CTNNA3: variants seen among roughly 807,000 people sequenced by gnomAD.
CTNNA3 encodes the protein catenin alpha 3.
In CTNNA3, 76 loss-of-function variants were observed where a neutral mutation model predicts 95.7. The observed-to-expected ratio is 0.79, with a 90% CI of 0.66 to 0.96. CTNNA3 has a LOEUF of 0.96. CTNNA3 is among the 40% of genes least tolerant of loss of function. The probability of loss-of-function intolerance (pLI) is 0.00; values close to 1 mark genes in which losing one functional copy is unlikely to be tolerated. For synonymous variants in CTNNA3, 431 were observed against 374.4 expected (o/e 1.15, Z -1.74); for missense variants, 1,191 against 1,089.8 (o/e 1.09, Z -1.31).
At chr10:66,514,608 C>A (rs1471463368) in intron 11 of CTNNA3, among the ~76,000 whole-genome samples, 1 of 152,078 alleles carries the variant, frequency 6.6e-6, no homozygotes, top group Non-Finnish European at 1.5e-5. Flanking sequence ...TCTCCACCAC[C>A]ACAGTTCTTT....
At chr10:66,444,414 C>A (rs1410120535) in intron 11 of CTNNA3, among the ~76,000 whole-genome samples, 1 of 152,100 alleles carries the variant, frequency 6.6e-6, no homozygotes, top group African/African-American at 2.4e-5. Context: ...ATGGTAAGGG[C>A]AGCCAGAGAG....
chr10:66,187,644 C>CT (rs993323667), intron 13 of CTNNA3, among the ~76,000 whole-genome samples: 20 of 151,930 alleles, frequency 1.3e-4, no homozygotes, highest in African/African-American at 4.8e-4. Context: ...AAGAAAATCT[C>CT]TATCAATTTT....
At chr10:67,079,364 C>T (rs552778999) in intron 7 of CTNNA3, among the ~76,000 whole-genome samples, 3 of 152,252 alleles carry the variant, frequency 2.0e-5, no homozygotes, top group South Asian at 2.1e-4. Flanking sequence ...AGGAACACAG[C>T]GATAGGGCAG....
intron 10 of CTNNA3, among the ~76,000 whole-genome samples, chr10:66,547,684 T>A (rs1842082416): frequency 1.3e-5 from 2 of 152,022 alleles, no homozygotes; most frequent in African/African-American, 4.8e-5. Flanking sequence ...GTGAAGTTCA[T>A]AAATAAATAT....
At chr10:66,297,857 C>T (rs984076450) in intron 12 of CTNNA3, among the ~76,000 whole-genome samples, 2 of 152,098 alleles carry the variant, frequency 1.3e-5, no homozygotes, top group African/African-American at 2.4e-5. Flanking sequence ...TGGGCACTTA[C>T]GTCCAGCTTG....
rs541207077 is a variant in CTNNA3, at chr10:67,084,211, C to A, written c.1047+96106G>T. ...AGCTCAGAGATTTAAGCAATCTATC[C>A]TCATATGTATTGTTCCTTGAGTTAT... On this transcript the variant is annotated intron_variant, in intron 7 of 17. Transcript: ENST00000433211. 1.4e-3 allele frequency among the ~76,000 whole-genome samples: 215 copies of A among 152,106 alleles called. 1 individual carries two copies. The highest frequency in any genetic ancestry group is 5.1e-3 in the African/African-American group (210 of 41,516).
chr10:66,280,376 C>T, intron 13 of CTNNA3, 94 bp downstream of exon 13: 2 of 1,101,046 alleles, frequency 1.8e-6, no homozygotes, highest in Non-Finnish European at 2.6e-6. Flanking sequence ...ATTGACATTA[C>T]AGCATAGAAA....
At chr10:67,263,752 C>G (rs1283969016) in intron 5 of CTNNA3, among the ~76,000 whole-genome samples, 1 of 152,170 alleles carries the variant, frequency 6.6e-6, no homozygotes, top group African/African-American at 2.4e-5. Context: ...GATTTACACA[C>G]ACTTCCACTT....
intron 13 of CTNNA3, among the ~76,000 whole-genome samples, chr10:66,245,595 T>C (rs1270189769): frequency 2.0e-5 from 3 of 152,156 alleles, no homozygotes; most frequent in African/African-American, 7.2e-5. Flanking sequence ...GTAGCTCCTT[T>C]CTGCAGGCAG....
chr10:67,364,673 T>G (rs979571120), intron 5 of CTNNA3, among the ~76,000 whole-genome samples: 3 of 152,158 alleles, frequency 2.0e-5, no homozygotes, highest in Admixed American at 1.3e-4. Context: ...AAAAGTGATG[T>G]GAAGGCCCTC....
In CTNNA3 at chr10:67,151,528, T is replaced by C. The variant is rs77701880; in HGVS notation, c.1047+28789A>G. On this transcript the variant is annotated intron_variant, in intron 7 of 17. Transcript: ENST00000433211. ...AACAAAACAAGCTTCATCTCCCTCA[T>C]ATGACCTCAGAATAATCAGTAATAT... 1.2e-3 allele frequency among the ~76,000 whole-genome samples: 185 copies of C among 152,298 alleles called. 2 individuals are homozygous for C. The highest frequency in any genetic ancestry group is 4.4e-3 in the African/African-American group (182 of 41,576).
intron 13 of CTNNA3, among the ~76,000 whole-genome samples, chr10:66,121,606 T>C (rs567041609): frequency 6.6e-6 from 1 of 152,242 alleles, no homozygotes; most frequent in Non-Finnish European, 1.5e-5. Flanking sequence ...TCTCAGCACT[T>C]TGGGATGCCA....
At chr10:67,557,303 A>G (rs1841294007) in intron 3 of CTNNA3, among the ~76,000 whole-genome samples, 1 of 152,234 alleles carries the variant, frequency 6.6e-6, no homozygotes, top group Non-Finnish European at 1.5e-5. Flanking sequence ...TATATAATAA[A>G]CCATACATAG....
At chr10:67,242,705 G>A (rs1292769337) in intron 5 of CTNNA3, among the ~76,000 whole-genome samples, 1 of 152,092 alleles carries the variant, frequency 6.6e-6, no homozygotes, top group Non-Finnish European at 1.5e-5. Flanking sequence ...GGAAGACCTC[G>A]GAAAGATAGG....
At chr10:66,212,491 G>A (rs182027608) in intron 13 of CTNNA3, among the ~76,000 whole-genome samples, 23 of 151,798 alleles carry the variant, frequency 1.5e-4, no homozygotes, top group African/African-American at 5.6e-4. Context: ...TTATTATTTT[G>A]GCTAATAAAT....
chr10:67,151,923 T>C (rs1861104038), intron 7 of CTNNA3, among the ~76,000 whole-genome samples: 1 of 152,224 alleles, frequency 6.6e-6, no homozygotes, highest in Non-Finnish European at 1.5e-5. Context: ...CCCCTTTCTG[T>C]TGTTCCTTTC....
chr10:67,391,844 C>A (rs1330876962), intron 5 of CTNNA3, among the ~76,000 whole-genome samples: 2 of 151,358 alleles, frequency 1.3e-5, no homozygotes, highest in Non-Finnish European at 2.9e-5. Flanking sequence ...GGAAAACTGG[C>A]TACCCATTTG....
chr10:66,141,712 T>C (rs1156786492), intron 13 of CTNNA3, among the ~76,000 whole-genome samples: 1 of 152,204 alleles, frequency 6.6e-6, no homozygotes, highest in Non-Finnish European at 1.5e-5. Flanking sequence ...ATTCATCTGA[T>C]AGTGACAAAA....
chr10:66,873,151 G>T (rs1844479498), intron 7 of CTNNA3, among the ~76,000 whole-genome samples: 1 of 152,186 alleles, frequency 6.6e-6, no homozygotes, highest in Non-Finnish European at 1.5e-5. Flanking sequence ...GTGCTGTGAT[G>T]AACAGAGGAG....
Sources: gnomAD v4.1 joint callset for allele counts (sites outside exome capture counted in the v4.1 genomes callset) on GRCh38, gnomAD v4.1.1 for gene constraint, MANE v1.5 for transcripts, NCBI Gene and HGNC (gene_info 2026-07-23, HGNC 2026-07-21) for gene names.